Variants in SLC25A13 observed in about 807,000 individuals in gnomAD.
SLC25A13 encodes electrogenic aspartate/glutamate antiporter SLC25A13, mitochondrial.
Under a neutral mutation model 85.5 loss-of-function variants are expected in SLC25A13, and 70 were observed. That is an observed-to-expected ratio of 0.82 (90% CI 0.68 to 1.00). The LOEUF (loss-of-function observed/expected upper bound fraction) is 1.00, where lower values mean the gene tolerates loss of function less well. Ranked by LOEUF, SLC25A13 falls within the 50% of genes least tolerant of loss-of-function variation. The probability of loss-of-function intolerance (pLI) is 0.00; values close to 1 mark genes in which losing one functional copy is unlikely to be tolerated. For missense variants in SLC25A13, 765 were observed against 819.8 expected (o/e 0.93, Z 0.82); for synonymous variants, 259 against 288.7 (o/e 0.90, Z 1.04).
At chr7:96,229,245 A>G (rs1439749048) in intron 4 of SLC25A13, among the ~76,000 whole-genome samples, 1 of 152,142 alleles carries the variant, frequency 6.6e-6, no homozygotes, top group Non-Finnish European at 1.5e-5. Flanking sequence ...AGCACTCTGT[A>G]TCTAGCTAAT....
chr7:96,252,759 T>C (rs1231190100), intron 3 of SLC25A13, among the ~76,000 whole-genome samples: 1 of 152,032 alleles, frequency 6.6e-6, no homozygotes, highest in Non-Finnish European at 1.5e-5. Context: ...GATTAGAGCA[T>C]AGTAGAGCAG....
intron 3 of SLC25A13, among the ~76,000 whole-genome samples, chr7:96,256,945 C>T (rs1797660206): frequency 2.6e-5 from 4 of 152,184 alleles, no homozygotes; most frequent in Admixed American, 1.3e-4. Flanking sequence ...GGAAACTGAA[C>T]AACCTGCTCC....
intron 13 of SLC25A13, among the ~76,000 whole-genome samples, chr7:96,161,972 C>T (rs931652133): frequency 2.0e-5 from 3 of 152,306 alleles, no homozygotes; most frequent in Admixed American, 1.3e-4. Context: ...CACTATAATG[C>T]ATAATGTATC....
At chr7:96,287,725 C>A (rs958408087) in intron 2 of SLC25A13, among the ~76,000 whole-genome samples, 1 of 152,220 alleles carries the variant, frequency 6.6e-6, no homozygotes, top group Non-Finnish European at 1.5e-5. Context: ...TTGTAAGATG[C>A]ACCATGTATT....
At chr7:96,200,779 TAG>T (rs1297155276) in intron 5 of SLC25A13, among the ~76,000 whole-genome samples, 1 of 152,196 alleles carries the variant, frequency 6.6e-6, no homozygotes, top group African/African-American at 2.4e-5. Flanking sequence ...AGATGCTGTA[TAG>T]AGTGTTCATT....
chr7:96,189,699 G>T (rs1794774994), intron 7 of SLC25A13, 25 bp from the exon 8 acceptor site: 2 of 1,595,982 alleles, frequency 1.3e-6, no homozygotes, highest in Non-Finnish European at 1.7e-6. Flanking sequence ...AGTTAAAAGG[G>T]AAAGATTCAA....
chr7:96,257,745 T>C (rs915516250), intron 3 of SLC25A13, among the ~76,000 whole-genome samples: 15 of 152,224 alleles, frequency 9.9e-5, no homozygotes, highest in African/African-American at 2.9e-4. Flanking sequence ...TACCAAAATC[T>C]GGCAGAGACA....
In SLC25A13 at chr7:96,186,163, C is replaced by T. The variant is rs944729760; in HGVS notation, c.934-1152G>A. 3.3e-5 allele frequency among the ~76,000 whole-genome samples: 5 copies of T among 152,216 alleles called. No individual in the cohort carries two copies. In the East Asian group the frequency reaches 9.7e-4, roughly 30 times the overall value. On this transcript the variant is annotated intron_variant, in intron 9 of 17. Transcript: ENST00000265631. ...AGTTAGAATAGGCTGGGTGCAGTGG[C>T]TCACACCTGTAATCCCAGCACTTTG...
intron 12 of SLC25A13, 101 bp from the exon 13 acceptor site, chr7:96,170,226 G>T: frequency 1.0e-6 from 1 of 993,038 alleles, no homozygotes; most frequent in Non-Finnish European, 1.6e-6. Context: ...TTTTCTATCA[G>T]TCTATTGGAG....
At chr7:96,321,099 T>C (rs893647175) in intron 1 of SLC25A13, among the ~76,000 whole-genome samples, 2 of 152,106 alleles carry the variant, frequency 1.3e-5, no homozygotes, top group Admixed American at 6.5e-5. Context: ...GCCAGAGAAG[T>C]TGAAATGCAG....
At chr7:96,230,839 C>T (rs189966373) in intron 4 of SLC25A13, among the ~76,000 whole-genome samples, 321 of 152,256 alleles carry the variant, frequency 2.1e-3, no homozygotes, top group African/African-American at 4.6e-3. Flanking sequence ...CCAGACATGA[C>T]GGTTCACACC....
intron 14 of SLC25A13, among the ~76,000 whole-genome samples, chr7:96,140,701 C>T (rs1468388892): frequency 6.6e-6 from 1 of 151,942 alleles, no homozygotes; most frequent in African/African-American, 2.4e-5. Context: ...CCGCGCCTGG[C>T]CTACCACCAA....
chr7:96,222,541 G>A (rs553625711), intron 4 of SLC25A13, among the ~76,000 whole-genome samples: 119 of 152,292 alleles, frequency 7.8e-4, no homozygotes, highest in Non-Finnish European at 1.6e-3. Flanking sequence ...CACCTCCTGG[G>A]TTCAAGTTAT....
intron 13 of SLC25A13, among the ~76,000 whole-genome samples, chr7:96,156,086 T>C (rs1347258056): frequency 2.0e-5 from 3 of 152,198 alleles, no homozygotes; most frequent in Non-Finnish European, 4.4e-5. Flanking sequence ...AGAATTCCTG[T>C]GACTTTAAGA....
rs1441303349 is a variant in SLC25A13, at chr7:96,184,453, CATT to C, written c.1019-21_1019-19del. 1.8e-5 allele frequency: 29 copies of C among 1,612,242 alleles called. No homozygotes were observed. Among genetic ancestry groups the C allele is most frequent in the Non-Finnish European group, 2.4e-5 (28 of 1,178,782 alleles). On this transcript the variant is annotated intron_variant, in intron 10 of 17. Coordinates refer to ENST00000265631, the MANE Select transcript of SLC25A13 (RefSeq NM_014251.3). ...TCCAACAGCTAAAATTAAACAATAT[CATT>C]ATCTCAGAAGAAAGTAAGATAGGTC...
intron 15 of SLC25A13, among the ~76,000 whole-genome samples, chr7:96,124,976 C>A (rs1374900772): frequency 1.3e-5 from 2 of 152,144 alleles, no homozygotes; most frequent in African/African-American, 4.8e-5. Context: ...TGTCAGTCTC[C>A]CAAAAACCAA....
At chr7:96,202,927 A>T (rs1167898755) in intron 5 of SLC25A13, among the ~76,000 whole-genome samples, 2 of 152,122 alleles carry the variant, frequency 1.3e-5, no homozygotes, top group Non-Finnish European at 2.9e-5. Flanking sequence ...TAAATCATGA[A>T]GCTTTGTCTG....
chr7:96,147,031 GGCAGTAATAAAATGAAAA>G (rs1029215474), intron 13 of SLC25A13, among the ~76,000 whole-genome samples: 1 of 150,488 alleles, frequency 6.6e-6, no homozygotes, highest in African/African-American at 2.5e-5. Context: ...AGGGCACAAA[GGCAGTAATAAAATGAAAA>G]GCATTCGTAT....
At chr7:96,246,793 T>C (rs1797208657) in intron 3 of SLC25A13, among the ~76,000 whole-genome samples, 1 of 152,190 alleles carries the variant, frequency 6.6e-6, no homozygotes. Context: ...ATAAAATTAT[T>C]CATGGTGTGG....
Sources: gnomAD v4.1 joint callset for allele counts (sites outside exome capture counted in the v4.1 genomes callset) on GRCh38, gnomAD v4.1.1 for gene constraint, MANE v1.5 for transcripts, NCBI Gene and HGNC (gene_info 2026-07-23, HGNC 2026-07-21) for gene names.